The following MIS18A variants were observed in gnomAD, a reference collection of about 807,000 sequenced individuals.
MIS18A encodes the protein protein Mis18-alpha.
Under a neutral mutation model 25.0 loss-of-function variants are expected in MIS18A, and 14 were observed. That is an observed-to-expected ratio of 0.56 (90% CI 0.37 to 0.88). The LOEUF is 0.88. Among genes scored for constraint, MIS18A ranks in the 40% least tolerant of loss-of-function variants. The probability of loss-of-function intolerance (pLI) is 0.00; values close to 1 mark genes in which losing one functional copy is unlikely to be tolerated. For synonymous variants in MIS18A, 134 were observed against 118.6 expected, an observed-to-expected ratio of 1.13 and a Z score of -0.84; for missense variants, 292 against 290.8, an observed-to-expected ratio of 1.00 and a Z score of -0.03.
chr21:32,186,378 T>C, the MIS18A span, among the ~76,000 whole-genome samples: 1 of 152,240 alleles, frequency 6.6e-6, no homozygotes, highest in African/African-American at 2.4e-5. Flanking sequence ...TGCAGGCTCC[T>C]TAAGGCTAGG....
chr21:32,254,278 G>A, the MIS18A span, among the ~76,000 whole-genome samples: 7 of 152,058 alleles, frequency 4.6e-5, no homozygotes, highest in East Asian at 9.7e-4. Context: ...GGTGGCTCAC[G>A]CCTGTAATCC....
intron 1 of MIS18A, among the ~76,000 whole-genome samples, chr21:32,275,344 T>A (rs1342023680): frequency 6.6e-6 from 1 of 152,190 alleles, no homozygotes; most frequent in African/African-American, 2.4e-5. Context: ...TTGGAACAAG[T>A]AGAACCTCAA....
At chr21:32,275,222 T>C (rs760440355) in intron 1 of MIS18A, among the ~76,000 whole-genome samples, 19 of 152,118 alleles carry the variant, frequency 1.2e-4, no homozygotes, top group Non-Finnish European at 1.9e-4. Context: ...AAAAAATTTT[T>C]AAATAAAAAT....
chr21:32,193,209 G>A, the MIS18A span, among the ~76,000 whole-genome samples: 10 of 152,150 alleles, frequency 6.6e-5, no homozygotes, highest in Non-Finnish European at 1.2e-4. Flanking sequence ...GGCCAGGCCT[G>A]GGGCTCCTGA....
chr21:32,232,679 T>A, the MIS18A span, among the ~76,000 whole-genome samples: 44 of 152,178 alleles, frequency 2.9e-4, no homozygotes, highest in African/African-American at 1.0e-3. Flanking sequence ...ATCTCACTTA[T>A]ATGAAGAAAT....
the MIS18A span, among the ~76,000 whole-genome samples, chr21:32,188,457 T>G: frequency 6.6e-6 from 1 of 152,348 alleles, no homozygotes; most frequent in African/African-American, 2.4e-5. Context: ...TCTTTCACAG[T>G]GGGCAGTAAA....
the MIS18A span, among the ~76,000 whole-genome samples, chr21:32,167,915 G>A: frequency 6.6e-6 from 1 of 152,138 alleles, no homozygotes; most frequent in East Asian, 1.9e-4. Context: ...GGATACAGAA[G>A]ACAATAGGAC....
chr21:32,266,858 A>G (rs1450306821), downstream of MIS18A, among the ~76,000 whole-genome samples: 1 of 152,078 alleles, frequency 6.6e-6, no homozygotes, highest in Non-Finnish European at 1.5e-5. Context: ...GTGCTTCCCC[A>G]GGGCTCATTT....
the MIS18A span, among the ~76,000 whole-genome samples, chr21:32,240,222 C>T: frequency 4.6e-5 from 7 of 152,338 alleles, no homozygotes; most frequent in East Asian, 1.9e-4. Context: ...TAAATTCATA[C>T]GTTAAAACCT....
the MIS18A span, among the ~76,000 whole-genome samples, chr21:32,170,701 C>A: frequency 6.6e-6 from 1 of 152,042 alleles, no homozygotes; most frequent in South Asian, 2.1e-4. Context: ...ATAGGTTATT[C>A]TATATTATAG....
the MIS18A span, among the ~76,000 whole-genome samples, chr21:32,259,208 C>T: frequency 6.6e-6 from 1 of 152,080 alleles, no homozygotes; most frequent in Non-Finnish European, 1.5e-5. Flanking sequence ...CAGGCAATGC[C>T]CACCCTGAGA....
At chr21:32,188,981 A>C in the MIS18A span, among the ~76,000 whole-genome samples, 1 of 152,214 alleles carries the variant, frequency 6.6e-6, no homozygotes, top group African/African-American at 2.4e-5. Context: ...TCAAAGAAGG[A>C]AACAGAAATT....
At chr21:32,250,917 A>G in the MIS18A span, among the ~76,000 whole-genome samples, 1 of 152,258 alleles carries the variant, frequency 6.6e-6, no homozygotes, top group Middle Eastern at 3.4e-3. Flanking sequence ...CATGTGGCGG[A>G]AGGGATCCAG....
the MIS18A span, among the ~76,000 whole-genome samples, chr21:32,221,827 G>A: frequency 6.6e-6 from 1 of 151,878 alleles, no homozygotes; most frequent in African/African-American, 2.4e-5. Context: ...AGGAGGTGGA[G>A]GTTGCAGTGA....
At chr21:32,253,674 G>A in the MIS18A span, among the ~76,000 whole-genome samples, 6 of 152,104 alleles carry the variant, frequency 3.9e-5, no homozygotes, top group Admixed American at 3.9e-4. Flanking sequence ...CCTCCACCAA[G>A]TGGGACCCTT....
chr21:32,200,232 A>C, the MIS18A span, among the ~76,000 whole-genome samples: 5 of 152,182 alleles, frequency 3.3e-5, no homozygotes, highest in African/African-American at 1.2e-4. Flanking sequence ...CTTTATTTGC[A>C]AAAACAGGCG....
chr21:32,176,716 A>C, the MIS18A span, among the ~76,000 whole-genome samples: 1 of 152,154 alleles, frequency 6.6e-6, no homozygotes, highest in Non-Finnish European at 1.5e-5. Context: ...GGTAATAATA[A>C]AGAAAAGAGC....
At chr21:32,217,572 C>T in the MIS18A span, among the ~76,000 whole-genome samples, 1 of 152,164 alleles carries the variant, frequency 6.6e-6, no homozygotes, top group South Asian at 2.1e-4. Context: ...TGGCTGAAAA[C>T]TTTCCAAATT....
the MIS18A span, among the ~76,000 whole-genome samples, chr21:32,164,686 A>G: frequency 1.3e-5 from 2 of 151,640 alleles, no homozygotes; most frequent in Admixed American, 6.6e-5. Flanking sequence ...TAATAGCAGT[A>G]TGTTATACAT....
Sources: allele counts gnomAD v4.1 joint callset (sites outside exome capture counted in the v4.1 genomes callset), GRCh38; gene constraint gnomAD v4.1.1; transcripts MANE v1.5; gene names NCBI Gene and HGNC (gene_info 2026-07-23, HGNC 2026-07-21).